PRKACB: variants seen among roughly 807,000 people sequenced by gnomAD.
The protein encoded by PRKACB is protein kinase cAMP-activated catalytic subunit beta, also known as cAMP-dependent protein kinase catalytic subunit beta.
PRKACB carries 16 observed loss-of-function variants against 51.4 expected under a neutral mutation model. The ratio of observed to expected loss-of-function variants is 0.31; its 90% confidence interval spans 0.21 to 0.47. PRKACB has a LOEUF of 0.47. PRKACB is among the 20% of genes least tolerant of loss of function. PRKACB has a pLI of 1.00. For synonymous variants in PRKACB, 147 were observed against 154.4 expected (o/e 0.95, Z 0.35); for missense variants, 309 against 464.5 (o/e 0.67, Z 3.08).
chr1:84,128,827 T>A (rs2100545491), intron 1 of PRKACB, among the ~76,000 whole-genome samples: 1 of 152,312 alleles, frequency 6.6e-6, no homozygotes, highest in Admixed American at 6.5e-5. Flanking sequence ...CATGTAATTT[T>A]CTGTGATTAT....
chr1:84,227,789 G>A (rs1457012819), intron 9 of PRKACB, among the ~76,000 whole-genome samples: 1 of 152,144 alleles, frequency 6.6e-6, no homozygotes, highest in African/African-American at 2.4e-5. Flanking sequence ...AAATAGCAGA[G>A]TACTTTAACC....
intron 1 of PRKACB, among the ~76,000 whole-genome samples, chr1:84,130,547 C>T (rs1652083120): frequency 6.6e-6 from 1 of 152,064 alleles, no homozygotes; most frequent in African/African-American, 2.4e-5. Flanking sequence ...AATGTCTAAC[C>T]CTACAGGTCT....
chr1:84,089,219 C>T (rs1487601588), intron 1 of PRKACB, among the ~76,000 whole-genome samples: 1 of 152,116 alleles, frequency 6.6e-6, no homozygotes, highest in East Asian at 1.9e-4. Context: ...CCTGTAGAAG[C>T]GTACATCCTC....
chr1:84,185,734 T>C (rs959912248), intron 5 of PRKACB, among the ~76,000 whole-genome samples: 2 of 152,106 alleles, frequency 1.3e-5, no homozygotes, highest in African/African-American at 4.8e-5. Flanking sequence ...GTTATTAAAA[T>C]AGGTTATAGA....
intron 1 of PRKACB, among the ~76,000 whole-genome samples, chr1:84,133,248 A>T (rs959491066): frequency 3.9e-5 from 6 of 152,096 alleles, no homozygotes; most frequent in Non-Finnish European, 1.5e-5. Context: ...AGTTGAAAGA[A>T]AAAAAATACC....
At chr1:84,226,576 A>T (rs1223228858) in intron 9 of PRKACB, among the ~76,000 whole-genome samples, 1 of 152,120 alleles carries the variant, frequency 6.6e-6, no homozygotes, top group African/African-American at 2.4e-5. Flanking sequence ...ATTATAATTG[A>T]CCATGTTACT....
At chr1:84,232,510 G>C (rs1675879843) in intron 9 of PRKACB, among the ~76,000 whole-genome samples, 1 of 152,038 alleles carries the variant, frequency 6.6e-6, no homozygotes, top group Non-Finnish European at 1.5e-5. Context: ...TTGACAGTGG[G>C]GTGTTAAAGT....
chr1:84,113,545 C>T (rs1322648734), intron 1 of PRKACB, among the ~76,000 whole-genome samples: 1 of 152,164 alleles, frequency 6.6e-6, no homozygotes, highest in Non-Finnish European at 1.5e-5. Context: ...AAAAACACTC[C>T]TCCACACAAT....
intron 9 of PRKACB, among the ~76,000 whole-genome samples, chr1:84,231,681 T>C (rs1453080756): frequency 6.6e-6 from 1 of 152,218 alleles, no homozygotes; most frequent in Non-Finnish European, 1.5e-5. Context: ...TTTATCCATT[T>C]CTTCTAGATT....
upstream of PRKACB, among the ~76,000 whole-genome samples, chr1:84,139,393 G>A (rs779677712): frequency 6.6e-6 from 1 of 152,084 alleles, no homozygotes; most frequent in Non-Finnish European, 1.5e-5. Flanking sequence ...AAGTAATAGA[G>A]GTTTTTGCCA....
At chr1:84,121,585 G>A (rs898820686) in intron 1 of PRKACB, among the ~76,000 whole-genome samples, 7 of 152,206 alleles carry the variant, frequency 4.6e-5, no homozygotes, top group South Asian at 4.1e-4. Flanking sequence ...TGAAGAAGGG[G>A]AAGTTGGAGA....
intron 1 of PRKACB, among the ~76,000 whole-genome samples, chr1:84,102,376 G>A (rs902265466): frequency 6.6e-6 from 1 of 152,016 alleles, no homozygotes; most frequent in Non-Finnish European, 1.5e-5. Context: ...GACAGAGCGA[G>A]ACTCCATCTC....
chr1:84,086,100 A>G (rs1647961790), intron 1 of PRKACB: 1 of 1,455,560 alleles, frequency 6.9e-7, no homozygotes, highest in African/African-American at 1.4e-5. Flanking sequence ...GACCACACAG[A>G]CCTCGCCATT....
chr1:84,134,751 A>G lies in PRKACB; in HGVS notation c.47-44426A>G, dbSNP rs114142166. ...ATAACTATGTCAGTAGTCACTTTAAATGTGAATGGTGTAAACATCCATTAA... is the reference window on the plus strand; with the variant it reads ...ATAACTATGTCAGTAGTCACTTTAAGTGTGAATGGTGTAAACATCCATTAA... On this transcript the variant is annotated intron_variant, in intron 1 of 8. Transcript: ENST00000370688. Among the ~76,000 whole-genome samples the G allele has an allele frequency of 5.5e-3, 834 of 152,276 alleles. 6 individuals carry two copies. Among genetic ancestry groups the G allele is most frequent in the African/African-American group, 0.016 (662 of 41,574 alleles).
At chr1:84,195,823 G>C (rs913081809) in intron 5 of PRKACB, among the ~76,000 whole-genome samples, 3 of 151,386 alleles carry the variant, frequency 2.0e-5, no homozygotes, top group Non-Finnish European at 4.4e-5. Flanking sequence ...TGAGGCAGAA[G>C]AATCGCTTGA....
chr1:84,187,340 A>G (rs1665436850), intron 5 of PRKACB, among the ~76,000 whole-genome samples: 1 of 152,172 alleles, frequency 6.6e-6, no homozygotes, highest in African/African-American at 2.4e-5. Flanking sequence ...TTAAATTACA[A>G]TATTATTTGG....
intron 1 of PRKACB, among the ~76,000 whole-genome samples, chr1:84,163,379 A>G (rs895520025): frequency 6.6e-6 from 1 of 151,948 alleles, no homozygotes; most frequent in African/African-American, 2.4e-5. Flanking sequence ...TATACCACCA[A>G]TGTGTTGCTT....
At chr1:84,182,114 A>G (rs996435196) in intron 2 of PRKACB, 86 bp from the exon 3 acceptor site, 10 of 1,007,896 alleles carry the variant, frequency 9.9e-6, no homozygotes, top group Non-Finnish European at 1.3e-5. Context: ...GGGATTATCC[A>G]TTATGATTAT....
chr1:84,086,122 G>A, intron 1 of PRKACB: 3 of 1,566,098 alleles, frequency 1.9e-6, no homozygotes, highest in South Asian at 1.1e-5. Context: ...AGTATGAGGT[G>A]TTGGTGGTGC....
Sources: allele counts gnomAD v4.1 joint callset (sites outside exome capture counted in the v4.1 genomes callset), GRCh38; gene constraint gnomAD v4.1.1; transcripts MANE v1.5; gene names NCBI Gene and HGNC (gene_info 2026-07-23, HGNC 2026-07-21).